STAU1: variants seen among roughly 807,000 people sequenced by gnomAD.
The protein encoded by STAU1 is staufen double-stranded RNA binding protein 1.
STAU1 carries 13 observed loss-of-function variants against 62.9 expected under a neutral mutation model. That is an observed-to-expected ratio of 0.21 (90% CI 0.13 to 0.33). The LOEUF (loss-of-function observed/expected upper bound fraction) is 0.33. Ranked by LOEUF, STAU1 falls within the 10% of genes least tolerant of loss-of-function variation. The pLI is 1.00. For synonymous variants in STAU1, 269 were observed against 265.1 expected (o/e 1.01, Z -0.14); for missense variants, 571 against 712.1 (o/e 0.80, Z 2.25).
At chr20:49,134,202 T>C (rs572423583) in intron 6 of STAU1, among the ~76,000 whole-genome samples, 6 of 151,918 alleles carry the variant, frequency 3.9e-5, no homozygotes, top group Non-Finnish European at 8.8e-5. Context: ...GAGGCCGAGA[T>C]GGGTGGATCA....
the STAU1 span, among the ~76,000 whole-genome samples, chr20:49,209,220 C>A: frequency 2.0e-5 from 3 of 150,760 alleles, no homozygotes; most frequent in Non-Finnish European, 4.4e-5. Context: ...TGGGTGTAAG[C>A]CACCGCGCCA....
chr20:49,206,956 A>G, the STAU1 span, among the ~76,000 whole-genome samples: 1 of 151,346 alleles, frequency 6.6e-6, no homozygotes, highest in Non-Finnish European at 1.5e-5. Context: ...GGGTTTCACC[A>G]TGTTGGCCAG....
intron 5 of STAU1, among the ~76,000 whole-genome samples, chr20:49,141,536 G>A (rs1404302472): frequency 6.6e-6 from 1 of 152,246 alleles, no homozygotes; most frequent in Non-Finnish European, 1.5e-5. Flanking sequence ...GTTTAAGGCT[G>A]CAGTGAGCTA....
intron 3 of STAU1, among the ~76,000 whole-genome samples, chr20:49,157,895 T>C (rs928086786): frequency 3.3e-5 from 5 of 152,174 alleles, no homozygotes; most frequent in Non-Finnish European, 7.3e-5. Context: ...AGTGATAGGA[T>C]TTAAGGCATG....
At chr20:49,158,557 C>T (rs45622034) in intron 3 of STAU1, 276,916 of 1,265,464 alleles carry the variant, frequency 0.22, 31,983 homozygotes, top group Non-Finnish European at 0.24. Flanking sequence ...TGCCTGTAAT[C>T]CTAGCACTTT....
At chr20:49,184,984 T>C (rs964356727) in intron 1 of STAU1, among the ~76,000 whole-genome samples, 4 of 152,190 alleles carry the variant, frequency 2.6e-5, no homozygotes, top group Admixed American at 1.3e-4. Context: ...TCAACTTCCA[T>C]TGTAAGAGAG....
intron 12 of STAU1, among the ~76,000 whole-genome samples, chr20:49,116,387 T>G (rs1283709629): frequency 6.6e-6 from 1 of 152,134 alleles, no homozygotes; most frequent in Non-Finnish European, 1.5e-5. Context: ...CAGGCTGGAG[T>G]GCAGTAGTGC....
At chr20:49,206,719 T>TATATATATATATA in the STAU1 span, among the ~76,000 whole-genome samples, 5 of 106,038 alleles carry the variant, frequency 4.7e-5, no homozygotes, top group South Asian at 3.2e-4. Context: ...AAATGAAATT[T>TATATATATATATA]TATATATATA....
At position 49,166,160 on chromosome 20, in the gene STAU1, A is replaced by G. The variant is rs917583375; in HGVS notation, c.42T>C (p.Ala14=). 46 of 1,614,082 alleles carry G rather than the reference A, an allele frequency of 2.8e-5. No homozygotes were observed. The highest frequency in any genetic ancestry group is 3.8e-5 in the Non-Finnish European group (45 of 1,180,048). The stretch of plus-strand genomic sequence containing the variant: ...TGTTCAGTATTTGGCTCCCTGAGAG[A>G]GCAGCAGATGGGTTCTGAACTTGCA... ...VQVQVQNPSA[A]LSGSQILNKN... Residue 14 remains alanine (A), a synonymous_variant, in exon 3 of 14, where the codon GCT becomes GCC. Transcript: ENST00000371856.
intron 3 of STAU1, among the ~76,000 whole-genome samples, chr20:49,163,116 C>T (rs1391541630): frequency 2.6e-5 from 4 of 151,724 alleles, no homozygotes; most frequent in Middle Eastern, 3.4e-3. Context: ...TGCTTGAACC[C>T]GGGAGGAGGA....
intron 5 of STAU1, among the ~76,000 whole-genome samples, chr20:49,150,064 A>G (rs1600737194): frequency 6.6e-6 from 1 of 152,232 alleles, no homozygotes; most frequent in Non-Finnish European, 1.5e-5. Context: ...TTTTCAATTC[A>G]CTGGACTTCT....
the STAU1 span, among the ~76,000 whole-genome samples, chr20:49,195,666 G>C: frequency 0.16 from 23,880 of 151,098 alleles, 2,459 homozygotes; most frequent in Non-Finnish European, 0.23. Context: ...CACTTTGGGA[G>C]CCCAAGGTGG....
At chr20:49,181,171 G>A (rs915634558) in intron 1 of STAU1, among the ~76,000 whole-genome samples, 2 of 152,110 alleles carry the variant, frequency 1.3e-5, no homozygotes, top group African/African-American at 4.8e-5. Context: ...CCTTTTCTTT[G>A]GTTCAAGGAA....
chr20:49,171,544 C>A (rs1320092377), intron 2 of STAU1, among the ~76,000 whole-genome samples: 7 of 152,236 alleles, frequency 4.6e-5, no homozygotes, highest in Non-Finnish European at 1.0e-4. Context: ...GCCTCGGCCT[C>A]CCGAAGTGCT....
intron 1 of STAU1, among the ~76,000 whole-genome samples, chr20:49,187,484 T>C (rs538981775): frequency 5.9e-5 from 9 of 152,228 alleles, no homozygotes; most frequent in Non-Finnish European, 1.2e-4. Flanking sequence ...AAATTATACC[T>C]TCATATCACG....
At chr20:49,192,263 G>A (rs1296661795), upstream of STAU1, among the ~76,000 whole-genome samples, 1 of 149,416 alleles carries the variant, frequency 6.7e-6, no homozygotes, top group Admixed American at 6.7e-5. Flanking sequence ...GGAGAATGGC[G>A]TGAACCCAGG....
chr20:49,141,141 G>T (rs934188522), intron 5 of STAU1, among the ~76,000 whole-genome samples: 1 of 152,136 alleles, frequency 6.6e-6, no homozygotes, highest in African/African-American at 2.4e-5. Context: ...TTTGTTCATT[G>T]TATCAGCCCA....
At chr20:49,164,915 G>C (rs1225269859) in intron 3 of STAU1, among the ~76,000 whole-genome samples, 1 of 152,118 alleles carries the variant, frequency 6.6e-6, no homozygotes, top group East Asian at 1.9e-4. Context: ...ATAAATAAAT[G>C]TCAATGTACT....
upstream of STAU1, among the ~76,000 whole-genome samples, chr20:49,191,605 G>A (rs1568958183): frequency 6.6e-6 from 1 of 152,154 alleles, no homozygotes; most frequent in Non-Finnish European, 1.5e-5. Flanking sequence ...GGGTTGATTG[G>A]TGTATGTCAG....
Sources: gnomAD v4.1 joint callset for allele counts (sites outside exome capture counted in the v4.1 genomes callset) on GRCh38, gnomAD v4.1.1 for gene constraint, MANE v1.5 for transcripts, NCBI Gene and HGNC (gene_info 2026-07-23, HGNC 2026-07-21) for gene names.